The following KLF12 variants were observed in gnomAD, a reference collection of about 807,000 sequenced individuals.
KLF12 encodes the protein Krueppel-like factor 12.
A neutral mutation model predicts 37.8 loss-of-function variants in KLF12; 9 were observed. The ratio of observed to expected loss-of-function variants is 0.24; its 90% CI spans 0.14 to 0.42. The LOEUF (loss-of-function observed/expected upper bound fraction) is 0.42, where lower values mean the gene tolerates loss of function less well. Ranked by LOEUF, KLF12 falls within the 10% of genes least tolerant of loss-of-function variation. KLF12 has a pLI of 1.00. For synonymous variants in KLF12, 208 were observed against 202.1 expected (o/e 1.03, Z -0.25); for missense variants, 411 against 516.0 (o/e 0.80, Z 1.97).
intron 1 of KLF12, among the ~76,000 whole-genome samples, chr13:74,069,019 G>A (rs1237285578): frequency 6.6e-6 from 1 of 152,152 alleles, no homozygotes; most frequent in Non-Finnish European, 1.5e-5. Flanking sequence ...GACAGCTGCT[G>A]TGAATACAAA....
intron 4 of KLF12, among the ~76,000 whole-genome samples, chr13:73,828,027 CAT>C (rs1883945709): frequency 6.6e-6 from 1 of 151,924 alleles, no homozygotes; most frequent in African/African-American, 2.4e-5. Context: ...GCATAAGACT[CAT>C]ATGTGTGGGC....
chr13:74,011,585 A>G (rs935566718), intron 1 of KLF12, among the ~76,000 whole-genome samples: 6 of 152,206 alleles, frequency 3.9e-5, no homozygotes, highest in Non-Finnish European at 8.8e-5. Flanking sequence ...GAAAAAAAGA[A>G]TTTCCACAAA....
At chr13:74,111,717 T>TG (rs955192132) in intron 1 of KLF12, among the ~76,000 whole-genome samples, 2 of 95,938 alleles carry the variant, frequency 2.1e-5, no homozygotes, top group Non-Finnish European at 3.0e-5. Flanking sequence ...TTTGTGCCAA[T>TG]GGGGAAAAAA....
upstream of KLF12, among the ~76,000 whole-genome samples, chr13:74,135,536 G>C (rs981772648): frequency 1.3e-5 from 2 of 151,406 alleles, no homozygotes; most frequent in South Asian, 2.1e-4. Context: ...GGAGGGCGCG[G>C]GGTCAGCGCC....
chr13:74,233,276 G>A, the KLF12 span, among the ~76,000 whole-genome samples: 7 of 151,894 alleles, frequency 4.6e-5, no homozygotes, highest in African/African-American at 1.5e-4. Context: ...ACTTTTTTGC[G>A]ACTTCTTCAG....
At chr13:73,856,107 T>C (rs1885594298) in intron 3 of KLF12, among the ~76,000 whole-genome samples, 1 of 152,128 alleles carries the variant, frequency 6.6e-6, no homozygotes, top group South Asian at 2.1e-4. Flanking sequence ...CCCCATTGCC[T>C]AGACTGGTCA....
the KLF12 span, among the ~76,000 whole-genome samples, chr13:74,160,276 C>A: frequency 2.4e-3 from 366 of 152,220 alleles, 3 homozygotes; most frequent in African/African-American, 8.6e-3. Context: ...AAATTCTGAA[C>A]CCATGGAGAC....
At chr13:74,142,475 T>C in the KLF12 span, among the ~76,000 whole-genome samples, 2 of 152,206 alleles carry the variant, frequency 1.3e-5, no homozygotes, top group Admixed American at 6.5e-5. Context: ...GGGGTCAGTT[T>C]TCCTCCCAGT....
intron 3 of KLF12, among the ~76,000 whole-genome samples, chr13:73,912,968 A>T (rs1047001723): frequency 1.5e-5 from 2 of 137,712 alleles, no homozygotes; most frequent in African/African-American, 5.6e-5. Flanking sequence ...ATCTTTCATA[A>T]CTTATCTCAT....
At chr13:74,015,047 T>G (rs1410578579) in intron 1 of KLF12, among the ~76,000 whole-genome samples, 1 of 152,112 alleles carries the variant, frequency 6.6e-6, no homozygotes, top group Non-Finnish European at 1.5e-5. Context: ...AGAGGCACAT[T>G]TATATATAAT....
chr13:74,169,778 C>T, the KLF12 span, among the ~76,000 whole-genome samples: 6 of 152,194 alleles, frequency 3.9e-5, no homozygotes, highest in South Asian at 2.1e-4. Context: ...CCTTGAATGG[C>T]GTTGAGGAGG....
intron 5 of KLF12, among the ~76,000 whole-genome samples, chr13:73,802,569 G>A (rs772015865): frequency 3.3e-5 from 5 of 152,108 alleles, no homozygotes; most frequent in East Asian, 1.9e-4. Context: ...TGATCCCATC[G>A]TCACCCAAGT....
the KLF12 span, among the ~76,000 whole-genome samples, chr13:74,243,997 G>T: frequency 6.6e-6 from 1 of 152,138 alleles, no homozygotes; most frequent in East Asian, 1.9e-4. Context: ...GAATTTGCTT[G>T]CTTTTACTAA....
At chr13:74,023,176 G>A (rs1892887174) in intron 1 of KLF12, among the ~76,000 whole-genome samples, 1 of 152,198 alleles carries the variant, frequency 6.6e-6, no homozygotes, top group African/African-American at 2.4e-5. Flanking sequence ...TGGGATCCTA[G>A]TATGGAATAG....
intron 3 of KLF12, among the ~76,000 whole-genome samples, chr13:73,852,057 TA>T (rs146336380): frequency 0.069 from 10,447 of 152,290 alleles, 460 homozygotes; most frequent in Non-Finnish European, 0.11. Flanking sequence ...GCTACAAGTA[TA>T]AAAGTCACCA....
rs763784410 is a variant in KLF12 at position 73,846,365 on chromosome 13, G to A, written c.132C>T (p.Asn44=). The stretch of plus-strand genomic sequence containing the variant: ...CTTCCATATCGGGATAGTTGTGGAC[G>A]TTTGGAGACTGTGGGGAGAAAAATG... The change falls in exon 4 of 8, where the codon AAC becomes AAT. Residue 44 remains asparagine, a synonymous_variant. Coordinates refer to ENST00000377669, the MANE Select transcript of KLF12 (RefSeq NM_007249.5). The A allele has an allele frequency of 1.7e-5, 27 of 1,609,604 alleles. No individual in the cohort carries two copies. The highest frequency in any genetic ancestry group is 7.7e-5 in the South Asian group (7 of 90,684).
intron 4 of KLF12, chr13:73,844,968 T>G (rs928809070): frequency 6.6e-6 from 1 of 152,144 alleles, no homozygotes; most frequent in Non-Finnish European, 1.5e-5. Context: ...GGTTTTTAGA[T>G]TCATGGGTAG....
At chr13:74,234,412 T>C in the KLF12 span, among the ~76,000 whole-genome samples, 1 of 152,154 alleles carries the variant, frequency 6.6e-6, no homozygotes, top group Non-Finnish European at 1.5e-5. Context: ...TTCTGAACCA[T>C]ATTTTCATCA....
At chr13:74,065,976 T>C (rs1873892765) in intron 1 of KLF12, among the ~76,000 whole-genome samples, 1 of 152,064 alleles carries the variant, frequency 6.6e-6, no homozygotes, top group Non-Finnish European at 1.5e-5. Flanking sequence ...CACATGTACA[T>C]AGAAGACATT....
Sources: gnomAD v4.1 joint callset for allele counts (sites outside exome capture counted in the v4.1 genomes callset) on GRCh38, gnomAD v4.1.1 for gene constraint, MANE v1.5 for transcripts, NCBI Gene and HGNC (gene_info 2026-07-23, HGNC 2026-07-21) for gene names.